The following PAIP1 variants were observed in gnomAD, a reference collection of about 807,000 sequenced individuals.
The protein encoded by PAIP1 is poly(A) binding protein interacting protein 1, also known as polyadenylate-binding protein-interacting protein 1.
PAIP1 carries 16 observed loss-of-function variants against 61.3 expected under a neutral mutation model. The ratio of observed to expected loss-of-function variants is 0.26; its 90% CI spans 0.18 to 0.40. The LOEUF (loss-of-function observed/expected upper bound fraction) is 0.40, where lower values mean the gene tolerates loss of function less well. PAIP1 is among the 10% of genes least tolerant of loss of function. The pLI is 1.00. For synonymous variants in PAIP1, 187 were observed against 226.2 expected (o/e 0.83, Z 1.56); for missense variants, 416 against 600.9 (o/e 0.69, Z 3.22).
rs1429994280 is a variant in PAIP1, at chr5:43,543,041, G to C, written c.697C>G (p.Pro233Ala). ...NYLSHHLTIS[P>A]QSGNFRQLLL... ...AATTGGCGGAAGTTGCCACTCTGTGGGCTAATTGTCAGATGATGGGACAGG... is the reference window on the plus strand; with the variant it reads ...AATTGGCGGAAGTTGCCACTCTGTGCGCTAATTGTCAGATGATGGGACAGG... Residue 233 changes from proline to alanine, a missense_variant, in exon 4 of 11, where the codon CCA becomes GCA. Coordinates refer to ENST00000306846, the MANE Select transcript of PAIP1 (RefSeq NM_006451.5). 6.2e-7 allele frequency: 1 copy of C among 1,606,786 alleles called. No individual in the cohort carries two copies. Among genetic ancestry groups the C allele is most frequent in the African/African-American group, 1.3e-5 (1 of 74,728 alleles).
chr5:43,535,512 T>C (rs1747108735), intron 7 of PAIP1, 22 bp downstream of exon 7: 2 of 1,291,850 alleles, frequency 1.5e-6, no homozygotes, highest in African/African-American at 2.9e-5. Flanking sequence ...GCACTGGCTA[T>C]TTACATTACT....
chr5:43,547,737 G>A lies in PAIP1; in HGVS notation c.612C>T (p.Ile204=), dbSNP rs760188858. 2 of 1,606,250 alleles carry A rather than the reference G, an allele frequency of 1.2e-6. No homozygotes were observed. The highest frequency in any genetic ancestry group is 1.7e-6 in the Non-Finnish European group (2 of 1,176,452). The change falls in exon 3 of 11, where the codon ATC becomes ATT. Residue 204 remains isoleucine, a synonymous_variant. Coordinates refer to ENST00000306846, the MANE Select transcript of PAIP1 (RefSeq NM_006451.5). ...DDALQELVEL[I]YQQATSIPNF... ...CTATAAGCCAACATACCTGTTGATAGATGAGTTCCACAAGTTCTTGCAAAG... is the reference window on the plus strand; with the variant it reads ...CTATAAGCCAACATACCTGTTGATAAATGAGTTCCACAAGTTCTTGCAAAG...
At chr5:43,556,350 C>A in intron 1 of PAIP1, 1 of 1,235,014 alleles carries the variant, frequency 8.1e-7, no homozygotes, top group Non-Finnish European at 1.0e-6. Flanking sequence ...CCCCGAACTC[C>A]GAGACCGCGC....
chr5:43,556,214 A>G, intron 1 of PAIP1: 37 of 1,311,874 alleles, frequency 2.8e-5, no homozygotes, highest in Non-Finnish European at 3.6e-5. Flanking sequence ...TGCCTCTCAA[A>G]TGAGTGCTTG....
chr5:43,557,065 C>A lies in PAIP1; in HGVS notation c.-219G>T. The A allele has an allele frequency of 1.2e-6, 1 of 852,138 alleles. No homozygotes were observed. Among genetic ancestry groups the A allele is most frequent in the Non-Finnish European group, 1.6e-6 (1 of 641,170 alleles). 52.8% of individuals were successfully genotyped at this position (852,138 alleles called of 1,614,324 possible). The stretch of plus-strand genomic sequence containing the variant: ...CCAGAGCGCCCGCCCCGCTCGGCTA[C>A]CCTCGGCTTTCCAGTTCTCCCCCAA... On this transcript the variant is annotated 5_prime_UTR_variant, in exon 1 of 11. Transcript: ENST00000306846.
intron 2 of PAIP1, among the ~76,000 whole-genome samples, chr5:43,551,935 C>T (rs1005428800): frequency 1.3e-5 from 2 of 152,104 alleles, no homozygotes; most frequent in Admixed American, 6.5e-5. Flanking sequence ...TGAATCAAAG[C>T]CTGCATTACT....
intron 2 of PAIP1, among the ~76,000 whole-genome samples, chr5:43,551,893 G>A (rs1355338851): frequency 6.6e-6 from 1 of 152,114 alleles, no homozygotes; most frequent in Non-Finnish European, 1.5e-5. Context: ...GAGGCATAGA[G>A]TATTTGGAAC....
chr5:43,534,650 A>G (rs561292849), intron 8 of PAIP1, among the ~76,000 whole-genome samples: 2 of 152,268 alleles, frequency 1.3e-5, no homozygotes, highest in Admixed American at 6.5e-5. Flanking sequence ...GCCATTGGAT[A>G]TATCTTTCTC....
chr5:43,550,520 A>AT (rs1352521591), intron 2 of PAIP1, among the ~76,000 whole-genome samples: 19 of 152,160 alleles, frequency 1.2e-4, no homozygotes, highest in Admixed American at 1.2e-3. Flanking sequence ...TAATAAGCTA[A>AT]TAGCCACCAG....
At chr5:43,527,889 TACTTAATA>T (rs1561226393) in intron 10 of PAIP1, among the ~76,000 whole-genome samples, 1 of 152,210 alleles carries the variant, frequency 6.6e-6, no homozygotes, top group Non-Finnish European at 1.5e-5. Context: ...ATTTTGTGTC[TACTTAATA>T]ACAGAAAGTG....
intron 8 of PAIP1, among the ~76,000 whole-genome samples, chr5:43,534,057 G>T (rs1467730953): frequency 6.6e-6 from 1 of 152,154 alleles, no homozygotes; most frequent in African/African-American, 2.4e-5. Flanking sequence ...TTGTCATTTA[G>T]TGTCAGTGCA....
chr5:43,547,848 A>C lies in PAIP1; in HGVS notation c.501T>G (p.Asn167Lys), dbSNP rs1025162380. The C allele has an allele frequency of 6.2e-7, 1 of 1,612,190 alleles. No individual in the cohort carries two copies. The highest frequency in any genetic ancestry group is 1.3e-5 in the African/African-American group (1 of 75,010). The change falls in exon 3 of 11, where the codon AAT becomes AAG. Residue 167 changes from asparagine to lysine, a missense_variant. This residue lies in a region of PAIP1 where 180 missense variants were observed against 211.2 expected (regional missense o/e 0.85). Coordinates refer to ENST00000306846, the MANE Select transcript of PAIP1 (RefSeq NM_006451.5). The stretch of plus-strand genomic sequence containing the variant: ...AACTGCCAGGCTGCTCTGTAAGATG[A>C]TTCAAAAAATCCTGAACATATTCTG... ...TLSEYVQDFLNHLTEQPGSFE... is the reference protein window; with the variant it reads ...TLSEYVQDFLKHLTEQPGSFE...
intron 4 of PAIP1, among the ~76,000 whole-genome samples, chr5:43,539,995 G>A (rs1054725948): frequency 2.6e-5 from 4 of 152,194 alleles, no homozygotes; most frequent in Non-Finnish European, 5.9e-5. Context: ...AAAGCTATGG[G>A]TACTGAATGG....
intron 9 of PAIP1, among the ~76,000 whole-genome samples, chr5:43,533,039 G>C (rs1221605314): frequency 6.6e-6 from 1 of 152,164 alleles, no homozygotes; most frequent in African/African-American, 2.4e-5. Flanking sequence ...GTAACATTTA[G>C]TGAAGTTTAA....
At position 43,527,171 on chromosome 5, in the gene PAIP1, T is replaced by G; in HGVS notation, c.*205A>C. 1 of 332,062 alleles carries G rather than the reference T, an allele frequency of 3.0e-6. No homozygotes were observed. The highest frequency in any genetic ancestry group is 5.4e-6 in the Non-Finnish European group (1 of 184,960). The allele number at this position is 332,062 out of a possible 1,614,324, so 20.6% of individuals were successfully genotyped here. On this transcript the variant is annotated 3_prime_UTR_variant, in exon 11 of 11. Transcript: ENST00000306846. ...GTAGAATTAACTGTACATAATAAAC[T>G]ATTATATATATATACACATTTTAAG...
chr5:43,556,363 C>G (rs1748073793), intron 1 of PAIP1: 2 of 1,234,264 alleles, frequency 1.6e-6, no homozygotes, highest in African/African-American at 3.1e-5. Context: ...GACCGCGCAC[C>G]CGGCCCCTCC....
intron 6 of PAIP1, among the ~76,000 whole-genome samples, chr5:43,536,285 C>T (rs943477631): frequency 6.6e-6 from 1 of 152,092 alleles, no homozygotes; most frequent in African/African-American, 2.4e-5. Flanking sequence ...AGAATTTAAC[C>T]TACAAAAGTA....
rs746087575 is a variant in PAIP1 at position 43,535,568 on chromosome 5, T to C, written c.1045A>G (p.Ile349Val). 1 of 1,599,118 alleles carries C rather than the reference T, an allele frequency of 6.3e-7. No individual in the cohort carries two copies. Among genetic ancestry groups the C allele is most frequent in the Non-Finnish European group, 8.6e-7 (1 of 1,167,960 alleles). ...TTTGCATCTAGGACAACGTTTTCAA[T>C]TCTCTGAATAATTTCTTCCATATCC... is the stretch of plus-strand genomic sequence containing the variant. ...KMDMEEIIQR[I>V]ENVVLDANCS... Residue 349 changes from isoleucine (I) to valine (V), a missense_variant, in exon 7 of 11, where the codon ATT (isoleucine) becomes GTT (valine). Transcript: ENST00000306846.
intron 10 of PAIP1, among the ~76,000 whole-genome samples, chr5:43,528,530 C>CT (rs1232767482): frequency 6.6e-6 from 1 of 152,158 alleles, no homozygotes; most frequent in African/African-American, 2.4e-5. Flanking sequence ...CCAAGAACAA[C>CT]TTTATCTTCC....
Sources: allele counts gnomAD v4.1 joint callset (sites outside exome capture counted in the v4.1 genomes callset), GRCh38; gene constraint gnomAD v4.1.1; regional missense constraint gnomAD v4.1.1; transcripts MANE v1.5; gene names NCBI Gene and HGNC (gene_info 2026-07-23, HGNC 2026-07-21).